The following SOX5 variants were observed in gnomAD, a reference collection of about 807,000 sequenced individuals.
SOX5 encodes the protein SRY-box transcription factor 5, also known as transcription factor SOX-5.
Under a neutral mutation model 92.0 loss-of-function variants are expected in SOX5, and 9 were observed. The ratio of observed to expected loss-of-function variants is 0.10; its 90% confidence interval spans 0.06 to 0.17. The LOEUF is 0.17. SOX5 is among the 10% of genes least tolerant of loss of function. The probability of loss-of-function intolerance (pLI) is 1.00; values close to 1 mark genes in which losing one functional copy is unlikely to be tolerated. For missense variants in SOX5, 642 were observed against 944.5 expected, an observed-to-expected ratio of 0.68 and a Z score of 4.20; for synonymous variants, 344 against 336.3, an observed-to-expected ratio of 1.02 and a Z score of -0.25.
intron 9 of SOX5, among the ~76,000 whole-genome samples, chr12:23,594,630 T>G (rs1032856838): frequency 6.6e-6 from 1 of 152,092 alleles, no homozygotes; most frequent in African/African-American, 2.4e-5. Context: ...AGATAAGTAG[T>G]GTGACAGATA....
intron 4 of SOX5, among the ~76,000 whole-genome samples, chr12:23,987,594 A>G (rs1013528988): frequency 2.0e-5 from 3 of 152,158 alleles, no homozygotes; most frequent in African/African-American, 7.2e-5. Context: ...GGAGTTCGAG[A>G]GCAGCCTGGG....
At chr12:23,820,588 G>T (rs1014222267) in intron 3 of SOX5, among the ~76,000 whole-genome samples, 1 of 152,132 alleles carries the variant, frequency 6.6e-6, no homozygotes, top group African/African-American at 2.4e-5. Context: ...TCCATCTTGA[G>T]TTAATTTTTG....
chr12:23,649,310 A>G (rs1204073612), intron 7 of SOX5, among the ~76,000 whole-genome samples: 1 of 152,132 alleles, frequency 6.6e-6, no homozygotes, highest in Admixed American at 6.6e-5. Context: ...ATTGAAGTAA[A>G]TACTGTCATC....
At chr12:24,024,403 C>T (rs1954649937) in intron 4 of SOX5, among the ~76,000 whole-genome samples, 1 of 151,988 alleles carries the variant, frequency 6.6e-6, no homozygotes. Flanking sequence ...ATCTACATTG[C>T]ACTGTATCAC....
rs368622954 is a variant in SOX5, at chr12:24,558,320, G to T, written c.-251+4009C>A. Among the ~76,000 whole-genome samples, 62 of 152,262 alleles carry T rather than the reference G, an allele frequency of 4.1e-4. 2 individuals carry two copies. In the South Asian group the frequency reaches 0.012, roughly 30 times the overall value. ...GTCCTCGCTGGTAAAGCCTTCAAAAGTCCCGTGTAGGCAGATAAAGGAGCA... is the reference window on the plus strand; with the variant it reads ...GTCCTCGCTGGTAAAGCCTTCAAAATTCCCGTGTAGGCAGATAAAGGAGCA... On this transcript the variant is annotated intron_variant, in intron 1 of 4. Coordinates refer to the SOX5 transcript ENST00000446891.
At chr12:24,384,753 T>C (rs988686242) in intron 1 of SOX5, among the ~76,000 whole-genome samples, 2 of 152,084 alleles carry the variant, frequency 1.3e-5, no homozygotes, top group African/African-American at 4.8e-5. Context: ...CGGAAATGAG[T>C]TCCAACTCAT....
At chr12:24,049,640 T>TTG in intron 4 of SOX5, among the ~76,000 whole-genome samples, 2 of 6,332 alleles carry the variant, frequency 3.2e-4, no homozygotes, top group Non-Finnish European at 2.8e-3. Context: ...CCTTCATAGT[T>TTG]TTTTTTTTTT....
Position 24,063,471 on chromosome 12 carries a change from C to T in SOX5, c.-2+149872G>A, listed in dbSNP as rs376835381. Among the ~76,000 whole-genome samples the T allele has an allele frequency of 5.7e-4, 87 of 152,260 alleles. No homozygotes were observed. In the Middle Eastern group the frequency reaches 0.01, roughly 18 times the overall value. ...GAGGTGTCCAAAGACTGGCTCCTTC[C>T]CAGTAAGTCTATATGTTATTTCCTA... On this transcript the variant is annotated intron_variant, in intron 4 of 4. Transcript: ENST00000446891.
At chr12:24,507,527 A>T (rs888391876) in intron 1 of SOX5, among the ~76,000 whole-genome samples, 1 of 152,184 alleles carries the variant, frequency 6.6e-6, no homozygotes, top group African/African-American at 2.4e-5. Flanking sequence ...AGAATTATAG[A>T]TTTAACAAAG....
chr12:24,036,000 T>G (rs1294864787), intron 4 of SOX5, among the ~76,000 whole-genome samples: 1 of 152,094 alleles, frequency 6.6e-6, no homozygotes, highest in African/African-American at 2.4e-5. Flanking sequence ...GGGTGTTTTT[T>G]TCATACCAGG....
intron 1 of SOX5, among the ~76,000 whole-genome samples, chr12:24,398,332 C>T (rs1418709415): frequency 1.3e-5 from 2 of 152,262 alleles, no homozygotes; most frequent in East Asian, 3.9e-4. Context: ...CCAAAATCCT[C>T]ATCTCTAGGA....
At chr12:24,329,186 T>C (rs1313005216) in intron 2 of SOX5, among the ~76,000 whole-genome samples, 1 of 152,216 alleles carries the variant, frequency 6.6e-6, no homozygotes, top group African/African-American at 2.4e-5. Flanking sequence ...TCTAGTAGTT[T>C]AGCATTATAT....
At chr12:24,331,848 C>CAAAAAAAAAAAAAAAA (rs10627494) in intron 2 of SOX5, among the ~76,000 whole-genome samples, 1 of 31,658 alleles carries the variant, frequency 3.2e-5, no homozygotes, top group African/African-American at 1.5e-4. Flanking sequence ...AAGACTGTCT[C>CAAAAAAAAAAAAAAAA]AAAAAAAAAA....
At chr12:24,219,867 G>C (rs1959984898) in intron 3 of SOX5, among the ~76,000 whole-genome samples, 1 of 152,026 alleles carries the variant, frequency 6.6e-6, no homozygotes, top group Admixed American at 6.6e-5. Context: ...ATAAGATAAG[G>C]CAGAATGGAG....
At chr12:24,078,845 T>A (rs1369709765) in intron 4 of SOX5, among the ~76,000 whole-genome samples, 1 of 152,072 alleles carries the variant, frequency 6.6e-6, no homozygotes, top group Non-Finnish European at 1.5e-5. Context: ...GAGCACTTTT[T>A]AAGGCATTTC....
At chr12:24,288,536 C>T (rs1013009470) in intron 2 of SOX5, among the ~76,000 whole-genome samples, 19 of 149,864 alleles carry the variant, frequency 1.3e-4, no homozygotes, top group Admixed American at 2.0e-4. Flanking sequence ...GTCACCGTTA[C>T]TGAGATAAAT....
chr12:23,957,891 T>C (rs1198794624), intron 4 of SOX5, among the ~76,000 whole-genome samples: 1 of 152,068 alleles, frequency 6.6e-6, no homozygotes, highest in Non-Finnish European at 1.5e-5. Context: ...TTTTCATAAA[T>C]AAGAAAAAAG....
intron 2 of SOX5, among the ~76,000 whole-genome samples, chr12:24,321,972 T>C (rs1950245501): frequency 6.6e-6 from 1 of 152,130 alleles, no homozygotes; most frequent in Admixed American, 6.5e-5. Flanking sequence ...GGACCTTTAT[T>C]TTCTCCTTCC....
intron 1 of SOX5, among the ~76,000 whole-genome samples, chr12:24,471,686 T>A (rs1177829182): frequency 6.6e-6 from 1 of 152,132 alleles, no homozygotes; most frequent in Non-Finnish European, 1.5e-5. Flanking sequence ...AAAAAAGAAA[T>A]GTTAGGTGTG....
Sources: gnomAD v4.1 joint callset for allele counts (sites outside exome capture counted in the v4.1 genomes callset) on GRCh38, gnomAD v4.1.1 for gene constraint, MANE v1.5 for transcripts, NCBI Gene and HGNC (gene_info 2026-07-23, HGNC 2026-07-21) for gene names.